Variants in PCDHGA6 observed in about 807,000 individuals in gnomAD.
The protein encoded by PCDHGA6 is protocadherin gamma subfamily A, 6.
In PCDHGA6, 41 loss-of-function variants were observed where a neutral mutation model predicts 60.6. The ratio of observed to expected loss-of-function variants is 0.68; its 90% confidence interval spans 0.53 to 0.88. The LOEUF (loss-of-function observed/expected upper bound fraction) is 0.88. PCDHGA6 is among the 40% of genes least tolerant of loss of function. The pLI is 0.00. For synonymous variants in PCDHGA6, 594 were observed against 524.4 expected, an observed-to-expected ratio of 1.13 and a Z score of -1.81; for missense variants, 1,312 against 1,203.0, an observed-to-expected ratio of 1.09 and a Z score of -1.34.
rs184860941 is a variant in PCDHGA6, at chr5:141,386,661, G to A, written c.2424+10154G>A. On this transcript the variant is annotated intron_variant, in intron 1 of 3. Coordinates refer to ENST00000517434, the MANE Select transcript of PCDHGA6 (RefSeq NM_018919.3). ...CTGGATACATTTTACAAGTTCTGCA[G>A]TGTTCACATTTCAGATGTACAATCA... Among the ~76,000 whole-genome samples the A allele has an allele frequency of 2.0e-4, 31 of 152,110 alleles. No individual in the cohort carries two copies. In the East Asian group the frequency reaches 3.5e-3, roughly 17 times the overall value.
Position 141,476,214 on chromosome 5 carries a change from T to C in PCDHGA6, c.2425-18593T>C, listed in dbSNP as rs768153063. 1 of 1,613,974 alleles carries C rather than the reference T, an allele frequency of 6.2e-7. No homozygotes were observed. Among genetic ancestry groups the C allele is most frequent in the African/African-American group, 1.3e-5 (1 of 74,990 alleles). ...GCCTTGAACAAGGCTTCCACGGTCA[T>C]TCACTATGAGATCCCGGAGGAAAGA... On this transcript the variant is annotated intron_variant, in intron 1 of 3. Coordinates refer to ENST00000517434, the MANE Select transcript of PCDHGA6 (RefSeq NM_018919.3). The surrounding 1 kb of genome is among the most constrained non-coding windows in gnomAD (Gnocchi z 7.6).
intron 1 of PCDHGA6, among the ~76,000 whole-genome samples, chr5:141,481,245 T>C (rs1362728826): frequency 6.6e-6 from 1 of 152,194 alleles, no homozygotes; most frequent in East Asian, 1.9e-4. Context: ...TTACATAGCA[T>C]AGCTCTAAAA....
intron 1 of PCDHGA6, among the ~76,000 whole-genome samples, chr5:141,482,447 T>C (rs2099560010): frequency 6.7e-6 from 1 of 149,882 alleles, no homozygotes; most frequent in East Asian, 1.9e-4. Flanking sequence ...ATTCACCATT[T>C]ATTAGCATCC....
chr5:141,422,197 G>C, intron 1 of PCDHGA6: 1 of 1,562,284 alleles, frequency 6.4e-7, no homozygotes, highest in Non-Finnish European at 8.6e-7. Flanking sequence ...TCAAGGCCAA[G>C]ATGGTGGAGG....
At chr5:141,383,417 G>A in intron 1 of PCDHGA6, 1 of 1,614,014 alleles carries the variant, frequency 6.2e-7, no homozygotes, top group African/African-American at 1.3e-5. Flanking sequence ...TACCAGCTCA[G>A]CCCCAATCGC....
In PCDHGA6 at chr5:141,487,801, A is replaced by G. The variant is rs895741843; in HGVS notation, c.2425-7006A>G. The G allele has an allele frequency of 1.0e-5, 15 of 1,479,820 alleles. No individual in the cohort carries two copies. The highest frequency in any genetic ancestry group is 2.7e-6 in the Non-Finnish European group (3 of 1,095,672). The allele number at this position is 1,479,820 out of a possible 1,614,324, so 91.7% of individuals were successfully genotyped here. On this transcript the variant is annotated intron_variant, in intron 1 of 3. Coordinates refer to ENST00000517434, the MANE Select transcript of PCDHGA6 (RefSeq NM_018919.3). The surrounding 1 kb of genome is among the most constrained non-coding windows in gnomAD (Gnocchi z 5.0). ...GTTTCGTGAATTAACCAGAGTTGTC[A>G]CAGTTTAGCATTGGGGGCGGGTCAT... is the stretch of plus-strand genomic sequence containing the variant.
At chr5:141,413,840 G>T (rs1323659502) in intron 1 of PCDHGA6, 1 of 1,613,306 alleles carries the variant, frequency 6.2e-7, no homozygotes, top group Non-Finnish European at 8.5e-7. Flanking sequence ...TCCGACGGGG[G>T]TGACCCTCTC....
chr5:141,408,344 G>A, intron 1 of PCDHGA6: 1 of 1,613,958 alleles, frequency 6.2e-7, no homozygotes, highest in East Asian at 2.2e-5. Flanking sequence ...CTCGGTGGTG[G>A]GGAACCTCGC....
intron 1 of PCDHGA6, among the ~76,000 whole-genome samples, chr5:141,434,630 A>G (rs2097706465): frequency 6.6e-6 from 1 of 152,106 alleles, no homozygotes; most frequent in African/African-American, 2.4e-5. Flanking sequence ...CGTTTCCCAT[A>G]AGGGATACTT....
intron 1 of PCDHGA6, chr5:141,384,950 C>G: frequency 6.2e-7 from 1 of 1,614,122 alleles, no homozygotes; most frequent in East Asian, 2.2e-5. Flanking sequence ...TCCGACGGTC[C>G]TTACAACTAT....
chr5:141,416,120 A>C (rs2095996372), intron 1 of PCDHGA6: 1 of 155,288 alleles, frequency 6.4e-6, no homozygotes, highest in African/African-American at 2.4e-5. Context: ...ACTACATTTT[A>C]TATATTTTTC....
In PCDHGA6 at chr5:141,487,258, G is replaced by T. The variant is rs368598017; in HGVS notation, c.2425-7549G>T. On this transcript the variant is annotated intron_variant, in intron 1 of 3. Transcript: ENST00000517434. The surrounding 1 kb of genome is among the most constrained non-coding windows in gnomAD (Gnocchi z 5.0). ...CTCGTCTAACCCTCTACTTGGCTGT[G>T]TCCCTAGTGGCAATTTGCTTTGTCT... 1.5e-4 allele frequency: 240 copies of T among 1,614,026 alleles called. 1 individual carries two copies. The highest frequency in any genetic ancestry group is 3.3e-5 in the Admixed American group (2 of 60,004).
intron 1 of PCDHGA6, among the ~76,000 whole-genome samples, chr5:141,458,275 G>A (rs975142859): frequency 2.6e-5 from 4 of 152,142 alleles, no homozygotes; most frequent in Non-Finnish European, 5.9e-5. Flanking sequence ...GAACAACAGG[G>A]TTCCTGGTCC....
intron 1 of PCDHGA6, among the ~76,000 whole-genome samples, chr5:141,380,096 T>C (rs1180401530): frequency 3.3e-5 from 5 of 151,838 alleles, no homozygotes; most frequent in Non-Finnish European, 5.9e-5. Flanking sequence ...GATGGGGTTT[T>C]ACCATGATGG....
chr5:141,489,458 G>A lies in PCDHGA6; in HGVS notation c.2425-5349G>A, dbSNP rs143138320. 3.5e-5 allele frequency: 56 copies of A among 1,614,042 alleles called. No homozygotes were observed. The highest frequency in any genetic ancestry group is 8.0e-5 in the African/African-American group (6 of 75,052). ...CAATTGGGCTCTGAGGAGAATGGGC[G>A]CTATTTTTCCCTGAGCTTGATGAGT... is the stretch of plus-strand genomic sequence containing the variant. On this transcript the variant is annotated intron_variant, in intron 1 of 3. Transcript: ENST00000517434. This position sits in a 1 kb window ranked among gnomAD's most constrained non-coding sequence, Gnocchi z 4.5.
chr5:141,403,832 C>T (rs374600582), intron 1 of PCDHGA6: 1 of 1,613,684 alleles, frequency 6.2e-7, no homozygotes, highest in Non-Finnish European at 8.5e-7. Context: ...GCTATTCCAG[C>T]TTAATGAAAA....
chr5:141,397,509 T>G (rs2093532710), intron 1 of PCDHGA6, among the ~76,000 whole-genome samples: 1 of 152,204 alleles, frequency 6.6e-6, no homozygotes, highest in African/African-American at 2.4e-5. Flanking sequence ...TAAAATTGTT[T>G]CCATAGCTAA....
intron 1 of PCDHGA6, chr5:141,442,062 G>A (rs1001398926): frequency 7.0e-5 from 13 of 185,900 alleles, no homozygotes; most frequent in Admixed American, 1.3e-4. Context: ...GGTGCACTGC[G>A]GTGGACAGCC....
intron 1 of PCDHGA6, among the ~76,000 whole-genome samples, chr5:141,449,594 A>T (rs2098647409): frequency 6.6e-6 from 1 of 150,814 alleles, no homozygotes; most frequent in Non-Finnish European, 1.5e-5. Context: ...GTCTCAAAAA[A>T]AAAAAAAAAA....
Sources: gnomAD v4.1 joint callset for allele counts (sites outside exome capture counted in the v4.1 genomes callset) on GRCh38, gnomAD v4.1.1 for gene constraint, Gnocchi (gnomAD v3.1) non-coding constraint, MANE v1.5 for transcripts, NCBI Gene and HGNC (gene_info 2026-07-23, HGNC 2026-07-21) for gene names.